Variants in CNBD1 observed in about 807,000 individuals in gnomAD.
CNBD1 encodes cyclic nucleotide binding domain containing 1.
Under a neutral mutation model 54.4 loss-of-function variants are expected in CNBD1, and 71 were observed. That is an observed-to-expected ratio of 1.30 (90% CI 1.08 to 1.59). CNBD1 has a LOEUF of 1.59. Ranked by LOEUF, CNBD1 falls within the 40% of genes most tolerant of loss-of-function variation. The pLI, the probability that CNBD1 is intolerant of heterozygous loss-of-function variation, is 0.00. For missense variants in CNBD1, 659 were observed against 518.0 expected (o/e 1.27, Z -2.64); for synonymous variants, 182 against 170.7 (o/e 1.07, Z -0.51).
chr8:87,282,905 G>A (rs975777933), intron 6 of CNBD1, among the ~76,000 whole-genome samples: 2 of 152,022 alleles, frequency 1.3e-5, no homozygotes, highest in Non-Finnish European at 2.9e-5. Flanking sequence ...TCCTGAGCAG[G>A]AATATAAAAG....
chr8:87,243,196 A>G (rs1321714813), intron 6 of CNBD1, among the ~76,000 whole-genome samples: 1 of 152,230 alleles, frequency 6.6e-6, no homozygotes, highest in Non-Finnish European at 1.5e-5. Context: ...AGATATCTAG[A>G]GAAAATTCAG....
intron 6 of CNBD1, among the ~76,000 whole-genome samples, chr8:87,238,329 G>A (rs548307665): frequency 6.6e-6 from 1 of 152,204 alleles, no homozygotes; most frequent in East Asian, 1.9e-4. Flanking sequence ...CCACTACCAA[G>A]TATCCATTTA....
intron 3 of CNBD1, among the ~76,000 whole-genome samples, chr8:86,935,009 GTTTGTTTGTTTATTTATTTATTTA>G (rs1355316973): frequency 5.7e-5 from 8 of 141,344 alleles, no homozygotes; most frequent in Non-Finnish European, 1.1e-4. Context: ...ATTTGGGTTT[GTTTGTTTGTTTATTTATTTATTTA>G]TTTATTTATT....
chr8:87,281,490 T>C (rs1201171957), intron 6 of CNBD1, among the ~76,000 whole-genome samples: 1 of 144,484 alleles, frequency 6.9e-6, no homozygotes, highest in African/African-American at 2.5e-5. Context: ...AAAACGATTT[T>C]TAATATACTA....
chr8:86,940,855 CAA>C (rs1222126640), intron 4 of CNBD1, among the ~76,000 whole-genome samples: 1 of 152,044 alleles, frequency 6.6e-6, no homozygotes, highest in South Asian at 2.1e-4. Context: ...TGTTTAGATA[CAA>C]AAATACCATT....
At chr8:87,065,680 G>A (rs1162035801) in intron 4 of CNBD1, among the ~76,000 whole-genome samples, 1 of 151,832 alleles carries the variant, frequency 6.6e-6, no homozygotes, top group Non-Finnish European at 1.5e-5. Flanking sequence ...TCCGAATAGT[G>A]GGTTTACTTT....
At chr8:87,228,730 A>G (rs1236826623) in intron 5 of CNBD1, among the ~76,000 whole-genome samples, 3 of 151,920 alleles carry the variant, frequency 2.0e-5, no homozygotes, top group Non-Finnish European at 2.9e-5. Context: ...TGGAGCCTAC[A>G]GAGGCAGGCA....
chr8:87,271,859 T>A (rs760290541), intron 6 of CNBD1, among the ~76,000 whole-genome samples: 7 of 151,400 alleles, frequency 4.6e-5, no homozygotes, highest in Non-Finnish European at 1.0e-4. Flanking sequence ...GCAACCTAAG[T>A]GTCCATCAAT....
chr8:87,201,143 CAT>C (rs982500950), intron 4 of CNBD1, among the ~76,000 whole-genome samples: 2 of 152,016 alleles, frequency 1.3e-5, no homozygotes, highest in Admixed American at 6.6e-5. Flanking sequence ...AAAAAAACCA[CAT>C]GATTTTCTTT....
intron 6 of CNBD1, among the ~76,000 whole-genome samples, chr8:87,241,419 T>A (rs373308399): frequency 2.0e-5 from 3 of 151,878 alleles, no homozygotes; most frequent in Admixed American, 1.3e-4. Context: ...TACAGGGGCC[T>A]GCCACCACGC....
intron 4 of CNBD1, among the ~76,000 whole-genome samples, chr8:86,953,019 C>T (rs1023918132): frequency 2.0e-5 from 3 of 152,138 alleles, no homozygotes; most frequent in Admixed American, 6.6e-5. Context: ...GTTTTTCACT[C>T]GGCATAATTA....
intron 4 of CNBD1, among the ~76,000 whole-genome samples, chr8:87,137,114 T>TTTATATTCTATGTAAATTATATA (rs1563482913): frequency 5.3e-4 from 33 of 61,990 alleles, no homozygotes; most frequent in African/African-American, 2.1e-3. Context: ...ATTATATATA[T>TTTATATTCTATGTAAATTATATA]TATATTTTTA....
chr8:87,322,171 A>C lies in CNBD1; in HGVS notation c.1043-29514A>C, dbSNP rs74433597. Among the ~76,000 whole-genome samples the C allele has an allele frequency of 1.0e-4, 10 of 97,616 alleles. 1 individual carries two copies. In the East Asian group the frequency reaches 2.3e-3, roughly 23 times the overall value. 64.0% of individuals were successfully genotyped at this position (97,616 alleles called of 152,430 possible). ...TGGCTGCATAGTATTCCATGGTGTA[A>C]ATGTGCCACATTTTCTTAATCCAGT... On this transcript the variant is annotated intron_variant, in intron 8 of 10. Coordinates refer to ENST00000518476, the MANE Select transcript of CNBD1 (RefSeq NM_173538.3).
chr8:87,286,120 A>T (rs1808694351), intron 7 of CNBD1, among the ~76,000 whole-genome samples: 1 of 152,160 alleles, frequency 6.6e-6, no homozygotes. Context: ...ATTCAACGTT[A>T]TTCCAAATCC....
chr8:86,979,436 A>G (rs1216030064), intron 4 of CNBD1, among the ~76,000 whole-genome samples: 2 of 149,978 alleles, frequency 1.3e-5, no homozygotes, highest in African/African-American at 4.9e-5. Context: ...AAAGGCAAAA[A>G]CAATTTAGCC....
chr8:87,013,251 T>C (rs1809262452), intron 4 of CNBD1, among the ~76,000 whole-genome samples: 1 of 152,178 alleles, frequency 6.6e-6, no homozygotes, highest in African/African-American at 2.4e-5. Context: ...CCTAGGAAGT[T>C]GTTGTTAAAG....
intron 5 of CNBD1, among the ~76,000 whole-genome samples, chr8:87,214,521 C>A (rs570709583): frequency 6.6e-6 from 1 of 152,250 alleles, no homozygotes; most frequent in Admixed American, 6.5e-5. Flanking sequence ...CTACCTGTTA[C>A]CCAGTTTCAA....
chr8:87,237,451 T>C (rs1316425011), intron 6 of CNBD1, among the ~76,000 whole-genome samples: 1 of 152,096 alleles, frequency 6.6e-6, no homozygotes, highest in African/African-American at 2.4e-5. Context: ...GGAAGACTAA[T>C]TGATTATGAA....
At chr8:87,303,037 A>G (rs996488410) in intron 8 of CNBD1, among the ~76,000 whole-genome samples, 6 of 151,896 alleles carry the variant, frequency 4.0e-5, no homozygotes, top group Admixed American at 6.6e-5. Context: ...GGAAGAATCA[A>G]TATCGTGAAA....
Sources: allele counts gnomAD v4.1 joint callset (sites outside exome capture counted in the v4.1 genomes callset), GRCh38; gene constraint gnomAD v4.1.1; transcripts MANE v1.5; gene names NCBI Gene and HGNC (gene_info 2026-07-23, HGNC 2026-07-21).